Variants in AFF3 observed in about 807,000 individuals in gnomAD.
AFF3 encodes the protein AF4/FMR2 family member 3.
A neutral mutation model predicts 129.7 loss-of-function variants in AFF3; 32 were observed. The observed-to-expected ratio is 0.25, with a 90% CI of 0.19 to 0.33. The LOEUF is 0.33. Ranked by LOEUF, AFF3 falls within the 10% of genes least tolerant of loss-of-function variation. AFF3 has a pLI of 1.00. For missense variants in AFF3, 1,373 were observed against 1,592.0 expected, an observed-to-expected ratio of 0.86 and a Z score of 2.34; for synonymous variants, 644 against 635.4, an observed-to-expected ratio of 1.01 and a Z score of -0.20.
chr2:99,942,358 G>A (rs1207824156), intron 7 of AFF3, among the ~76,000 whole-genome samples: 1 of 152,154 alleles, frequency 6.6e-6, no homozygotes, highest in African/African-American at 2.4e-5. Context: ...ATGGCATGGG[G>A]CAGAGCAAGT....
chr2:99,551,243 C>A lies in AFF3; in HGVS notation c.*231G>T. 1.7e-6 allele frequency: 1 copy of A among 587,030 alleles called. No homozygotes were observed. The highest frequency in any genetic ancestry group is 3.0e-6 in the Non-Finnish European group (1 of 337,464). 36.4% of individuals were successfully genotyped at this position (587,030 alleles called of 1,614,324 possible). ...CTAGCCTGGGATTATGGAAACTAGA[C>A]AAAGAAGGTGTGTTCTGAAGAGCTG... On this transcript the variant is annotated 3_prime_UTR_variant, in exon 25 of 25. Transcript: ENST00000672756.
chr2:99,613,651 C>T (rs1681146558), intron 13 of AFF3, among the ~76,000 whole-genome samples: 1 of 152,122 alleles, frequency 6.6e-6, no homozygotes, highest in Non-Finnish European at 1.5e-5. Context: ...CATAATAACT[C>T]TAGTATTTTC....
At chr2:100,048,182 G>A (rs902351311) in intron 4 of AFF3, among the ~76,000 whole-genome samples, 4 of 152,174 alleles carry the variant, frequency 2.6e-5, no homozygotes, top group Admixed American at 2.0e-4. Context: ...AGATAATGCC[G>A]TGACAAATAT....
intron 13 of AFF3, among the ~76,000 whole-genome samples, chr2:99,605,380 A>G (rs935698694): frequency 6.6e-6 from 1 of 152,232 alleles, no homozygotes; most frequent in Non-Finnish European, 1.5e-5. Context: ...ATATCCAGAA[A>G]CAATCATAGC....
intron 8 of AFF3, among the ~76,000 whole-genome samples, chr2:99,765,740 G>A (rs946323267): frequency 5.9e-5 from 9 of 152,090 alleles, no homozygotes; most frequent in Admixed American, 6.6e-5. Context: ...TATAGAAGAC[G>A]TTTATGAATT....
rs114784803 is a variant in AFF3, at chr2:99,820,510, T to C, written c.921+16967A>G. Among the ~76,000 whole-genome samples, 386 of 152,124 alleles carry C rather than the reference T, an allele frequency of 2.5e-3. 6 individuals are homozygous for C. The highest frequency in any genetic ancestry group is 8.9e-3 in the African/African-American group (370 of 41,548). The stretch of plus-strand genomic sequence containing the variant: ...AATGTGAAGGCCTAGGACATTACCG[T>C]ACACTACTGTAGACTTTATAAACAC... On this transcript the variant is annotated intron_variant, in intron 8 of 24. Coordinates refer to ENST00000672756, the MANE Select transcript of AFF3 (RefSeq NM_001386135.1).
rs148290349 is a variant in AFF3 at position 100,114,925 on chromosome 2, G to A, written c.-144-9342C>T. Among the ~76,000 whole-genome samples the A allele has an allele frequency of 2.3e-3, 346 of 152,322 alleles. 1 individual carries two copies. Among genetic ancestry groups the A allele is most frequent in the Non-Finnish European group, 4.1e-3 (280 of 68,028 alleles). On this transcript the variant is annotated intron_variant, in intron 2 of 24. Transcript: ENST00000672756. Reference sequence around the variant, plus strand: ...TCAAGCCATGCACAGCAGTAAGTACGTGATTGGGGTGGAAATGTCAAATTA... The same window carrying A: ...TCAAGCCATGCACAGCAGTAAGTACATGATTGGGGTGGAAATGTCAAATTA...
rs1692119026 is a variant in AFF3 at position 99,874,324 on chromosome 2, T to C, written c.874-36800A>G. Among the ~76,000 whole-genome samples, 5 of 152,332 alleles carry C rather than the reference T, an allele frequency of 3.3e-5. No homozygotes were observed. In the South Asian group the frequency reaches 1.0e-3, roughly 32 times the overall value. ...GGAAAAAGGTGGATGTTTATATTCA[T>C]GTCCTTTTGTGTGTCTGTGTTCTCA... On this transcript the variant is annotated intron_variant, in intron 7 of 24. Transcript: ENST00000672756.
At chr2:99,600,949 A>C (rs1679769621) in intron 14 of AFF3, among the ~76,000 whole-genome samples, 1 of 152,166 alleles carries the variant, frequency 6.6e-6, no homozygotes. Context: ...ACAGTTAAGA[A>C]GGTTTTATTA....
At chr2:99,873,044 C>G (rs1057177810) in intron 7 of AFF3, among the ~76,000 whole-genome samples, 1 of 152,168 alleles carries the variant, frequency 6.6e-6, no homozygotes, top group African/African-American at 2.4e-5. Flanking sequence ...TGTCTCTTAC[C>G]CATTCTTTAA....
intron 7 of AFF3, among the ~76,000 whole-genome samples, chr2:99,876,715 G>A (rs960078877): frequency 3.9e-5 from 6 of 152,090 alleles, no homozygotes; most frequent in Non-Finnish European, 7.3e-5. Flanking sequence ...GGTCCTATAC[G>A]ATCTAGTGCC....
intron 7 of AFF3, among the ~76,000 whole-genome samples, chr2:99,844,434 CTTTTT>C (rs984233053): frequency 2.2e-5 from 2 of 92,464 alleles, no homozygotes; most frequent in South Asian, 8.2e-4. Flanking sequence ...TTTTTCTTTT[CTTTTT>C]TTTTTTTTTT....
chr2:99,984,602 C>T (rs981140465), intron 7 of AFF3, among the ~76,000 whole-genome samples: 1 of 152,124 alleles, frequency 6.6e-6, no homozygotes, highest in Non-Finnish European at 1.5e-5. Context: ...TGGAAAGATG[C>T]ATATTAAAAA....
intron 18 of AFF3, among the ~76,000 whole-genome samples, chr2:99,573,192 C>T (rs945182250): frequency 6.6e-6 from 1 of 152,082 alleles, no homozygotes; most frequent in Admixed American, 6.6e-5. Context: ...GATTTCAATC[C>T]AGGAGATCTG....
intron 8 of AFF3, among the ~76,000 whole-genome samples, chr2:99,772,306 T>A (rs1452941074): frequency 2.0e-5 from 3 of 152,238 alleles, no homozygotes; most frequent in Non-Finnish European, 4.4e-5. Flanking sequence ...TGGCTTCCCA[T>A]GGGTGAGTCC....
At chr2:99,953,929 C>G (rs561497769) in intron 7 of AFF3, among the ~76,000 whole-genome samples, 23 of 152,346 alleles carry the variant, frequency 1.5e-4, no homozygotes, top group African/African-American at 5.5e-4. Flanking sequence ...AGACTCAGCT[C>G]TCACCCATGC....
chr2:99,882,393 T>C lies in AFF3; in HGVS notation c.874-44869A>G, dbSNP rs778343996. ...TTGCAGAAATATCCCAGAGGGAGGG[T>C]AGAAACTATCCAGCTGTGAAAGAAG... On this transcript the variant is annotated intron_variant, in intron 7 of 24. Transcript: ENST00000672756. Among the ~76,000 whole-genome samples the C allele has an allele frequency of 9.9e-5, 15 of 152,200 alleles. 1 individual carries two copies. The South Asian group carries it at 2.5e-3, about 25-fold the overall frequency.
intron 1 of AFF3, among the ~76,000 whole-genome samples, chr2:100,133,329 A>G (rs1383658290): frequency 2.0e-5 from 3 of 152,148 alleles, no homozygotes. Context: ...CTCATCCACA[A>G]TTCCATCACT....
At chr2:100,011,223 G>T (rs1034923616) in intron 4 of AFF3, among the ~76,000 whole-genome samples, 3 of 152,148 alleles carry the variant, frequency 2.0e-5, no homozygotes, top group African/African-American at 7.2e-5. Flanking sequence ...GCAGTGAGCC[G>T]AGATTGCGCC....
Sources: gnomAD v4.1 joint callset for allele counts (sites outside exome capture counted in the v4.1 genomes callset) on GRCh38, gnomAD v4.1.1 for gene constraint, MANE v1.5 for transcripts, NCBI Gene and HGNC (gene_info 2026-07-23, HGNC 2026-07-21) for gene names.